CSMD2: variants seen among roughly 807,000 people sequenced by gnomAD.
The protein encoded by CSMD2 is CUB and sushi domain-containing protein 2.
CSMD2 carries 130 observed loss-of-function variants against 398.5 expected under a neutral mutation model. That is an observed-to-expected ratio of 0.33 (90% CI 0.28 to 0.38). The LOEUF (loss-of-function observed/expected upper bound fraction) is 0.38, where lower values mean the gene tolerates loss of function less well. CSMD2 is among the 10% of genes least tolerant of loss of function. The pLI is 1.00. For synonymous variants in CSMD2, 1,828 were observed against 1,908.5 expected (o/e 0.96, Z 1.10); for missense variants, 3,829 against 4,764.9 (o/e 0.80, Z 5.78).
At chr1:34,077,894 G>A (rs1021975968) in intron 2 of CSMD2, among the ~76,000 whole-genome samples, 1 of 152,118 alleles carries the variant, frequency 6.6e-6, no homozygotes, top group African/African-American at 2.4e-5. Flanking sequence ...ATTGTGCAAT[G>A]TATCCATGTA....
In CSMD2 at chr1:33,641,337, T is replaced by C. The variant is rs149463892; in HGVS notation, c.4775-4783A>G. Among the ~76,000 whole-genome samples, 384 of 152,324 alleles carry C rather than the reference T, an allele frequency of 2.5e-3. 5 individuals are homozygous for C. The Middle Eastern group carries it at 0.071, about 28-fold the overall frequency. ...AGCATTTGTTGAATGAATGAATATG[T>C]CTTGCATGTGCGTGGATGTTTCAGC... On this transcript the variant is annotated intron_variant, in intron 29 of 70. Transcript: ENST00000373381.
At chr1:33,917,943 T>C (rs1355475901) in intron 5 of CSMD2, 151 bp downstream of exon 5, 4 of 598,120 alleles carry the variant, frequency 6.7e-6, no homozygotes, top group East Asian at 5.6e-5. Context: ...GCTTTTTCAT[T>C]AGGATGAGAT....
At chr1:33,616,236 T>G (rs1341267900) in intron 39 of CSMD2, among the ~76,000 whole-genome samples, 1 of 152,064 alleles carries the variant, frequency 6.6e-6, no homozygotes, top group Non-Finnish European at 1.5e-5. Context: ...TCCTTTTTTC[T>G]TGTCTTTCGT....
chr1:34,164,045 G>C lies in CSMD2; in HGVS notation c.187+866C>G, dbSNP rs1277311485. Among the ~76,000 whole-genome samples, 1 of 152,098 alleles carries C rather than the reference G, an allele frequency of 6.6e-6. No homozygotes were observed. The highest frequency in any genetic ancestry group is 2.4e-5 in the African/African-American group (1 of 41,452). ...GCCCCTTCCCGGACTCGGTCGTCGGGAGCTGGTCCCGCCGCCCGCGCCGCC... is the reference window on the plus strand; with the variant it reads ...GCCCCTTCCCGGACTCGGTCGTCGGCAGCTGGTCCCGCCGCCCGCGCCGCC... On this transcript the variant is annotated intron_variant, in intron 1 of 70. Coordinates refer to ENST00000373381, the MANE Select transcript of CSMD2 (RefSeq NM_001281956.2). This position sits in a 1 kb window ranked among gnomAD's most constrained non-coding sequence, Gnocchi z 6.2.
intron 44 of CSMD2, among the ~76,000 whole-genome samples, chr1:33,598,087 C>T (rs188241262): frequency 4.5e-4 from 68 of 152,166 alleles, no homozygotes; most frequent in African/African-American, 1.6e-3. Flanking sequence ...TGAATATTAA[C>T]CAAAAGTACA....
At chr1:33,599,188 G>A (rs942484456) in intron 44 of CSMD2, 4 of 152,228 alleles carry the variant, frequency 2.6e-5, no homozygotes. Flanking sequence ...TGTGCCCTTA[G>A]GCAAGCACTC....
chr1:33,635,070 C>T lies in CSMD2; in HGVS notation c.5086+144G>A. ...CTGCAGCCCGTTTGAGAAACGTCAG[C>T]ACTCGGCCGTCCTTTTGGGGAGACT... On this transcript the variant is annotated intron_variant, in intron 31 of 70. Coordinates refer to ENST00000373381, the MANE Select transcript of CSMD2 (RefSeq NM_001281956.2). The surrounding 1 kb of genome is among the most constrained non-coding windows in gnomAD (Gnocchi z 5.0). 2 of 595,852 alleles carry T rather than the reference C, an allele frequency of 3.4e-6. No homozygotes were observed. The highest frequency in any genetic ancestry group is 6.2e-6 in the Non-Finnish European group (2 of 321,586). 36.9% of individuals were successfully genotyped at this position (595,852 alleles called of 1,614,324 possible). A position where few individuals can be genotyped will look rare whatever the true frequency, so the allele number is the denominator to read the frequency against.
In CSMD2 at chr1:33,624,394, A is replaced by C; in HGVS notation, c.5625+125T>G. On this transcript the variant is annotated intron_variant, in intron 35 of 70. Coordinates refer to ENST00000373381, the MANE Select transcript of CSMD2 (RefSeq NM_001281956.2). The surrounding 1 kb of genome is among the most constrained non-coding windows in gnomAD (Gnocchi z 4.7). ...CCGCAGGGGCAGGTACAGGGCTGAT[A>C]TGTCTCTTCCTGGCTCACCCTGACT... 1 of 1,238,506 alleles carries C rather than the reference A, an allele frequency of 8.1e-7. No individual in the cohort carries two copies. Among genetic ancestry groups the C allele is most frequent in the Non-Finnish European group, 1.1e-6 (1 of 884,354 alleles). The allele number at this position is 1,238,506 out of a possible 1,614,324, so 76.7% of individuals were successfully genotyped here. A position where few individuals can be genotyped will look rare whatever the true frequency, so the allele number is the denominator to read the frequency against.
chr1:33,705,928 A>G (rs1300357666), intron 22 of CSMD2, among the ~76,000 whole-genome samples: 1 of 145,970 alleles, frequency 6.9e-6, no homozygotes, highest in Non-Finnish European at 1.5e-5. Context: ...TGTCTACTTT[A>G]TTATTTAAAA....
At chr1:33,850,189 G>A (rs1271689769) in intron 5 of CSMD2, among the ~76,000 whole-genome samples, 2 of 151,942 alleles carry the variant, frequency 1.3e-5, no homozygotes, top group East Asian at 1.9e-4. Flanking sequence ...AAGCCTTCCC[G>A]GTTTGACTCC....
At chr1:34,032,516 T>C (rs1650577286) in intron 3 of CSMD2, 78 bp downstream of exon 3, 1 of 907,044 alleles carries the variant, frequency 1.1e-6, no homozygotes, top group East Asian at 2.9e-5. Flanking sequence ...TCCCTGCATC[T>C]GTGAGCAATG....
intron 36 of CSMD2, 49 bp downstream of exon 36, chr1:33,623,321 G>A: frequency 1.7e-6 from 2 of 1,151,084 alleles, no homozygotes; most frequent in South Asian, 1.3e-5. Context: ...TCATGATGAT[G>A]AGCTCTAGTA....
chr1:34,022,977 A>G (rs1465782), intron 3 of CSMD2, among the ~76,000 whole-genome samples: 79,600 of 151,906 alleles, frequency 0.52, 21,900 homozygotes, highest in East Asian at 0.73. Flanking sequence ...GGCTACGGGT[A>G]CATACCACCA....
At chr1:33,948,836 C>T (rs1438367118) in intron 3 of CSMD2, among the ~76,000 whole-genome samples, 21 of 152,124 alleles carry the variant, frequency 1.4e-4, no homozygotes, top group Non-Finnish European at 8.8e-5. Flanking sequence ...ACCCTAGAGA[C>T]GCCTCAAGCA....
chr1:34,002,706 A>C (rs961035441), intron 3 of CSMD2, among the ~76,000 whole-genome samples: 3 of 152,254 alleles, frequency 2.0e-5, no homozygotes, highest in Non-Finnish European at 4.4e-5. Flanking sequence ...GTTTTCAGGC[A>C]GAGTTGTTGT....
chr1:34,084,450 G>A (rs1379200873), intron 2 of CSMD2, among the ~76,000 whole-genome samples: 3 of 152,180 alleles, frequency 2.0e-5, no homozygotes, highest in Non-Finnish European at 4.4e-5. Flanking sequence ...GCAACCTACA[G>A]AATGGGAGAA....
intron 2 of CSMD2, among the ~76,000 whole-genome samples, chr1:34,087,989 C>A (rs867246661): frequency 3.9e-4 from 60 of 152,286 alleles, no homozygotes; most frequent in African/African-American, 1.4e-3. Flanking sequence ...GATGCCCCCC[C>A]GCCTCTGCTG....
At chr1:33,935,269 G>C (rs147021376) in intron 4 of CSMD2, among the ~76,000 whole-genome samples, 1 of 152,034 alleles carries the variant, frequency 6.6e-6, no homozygotes, top group South Asian at 2.1e-4. Flanking sequence ...GTGTTTTTCT[G>C]GGGGAGGGGG....
At chr1:33,578,866 T>C (rs1638487885) in intron 48 of CSMD2, among the ~76,000 whole-genome samples, 1 of 152,172 alleles carries the variant, frequency 6.6e-6, no homozygotes, top group African/African-American at 2.4e-5. Flanking sequence ...AATGGTTGTT[T>C]TAAATAGCTG....
Sources: gnomAD v4.1 joint callset for allele counts (sites outside exome capture counted in the v4.1 genomes callset) on GRCh38, gnomAD v4.1.1 for gene constraint, Gnocchi (gnomAD v3.1) non-coding constraint, MANE v1.5 for transcripts, NCBI Gene and HGNC (gene_info 2026-07-23, HGNC 2026-07-21) for gene names.